The following PDE10A variants were observed in gnomAD, a reference collection of about 807,000 sequenced individuals.
PDE10A encodes the protein phosphodiesterase 10A.
Under a neutral mutation model 97.7 loss-of-function variants are expected in PDE10A, and 39 were observed. The observed-to-expected ratio is 0.40, with a 90% CI of 0.31 to 0.52. PDE10A has a LOEUF of 0.52. Ranked by LOEUF, PDE10A falls within the 20% of genes least tolerant of loss-of-function variation. The probability of loss-of-function intolerance (pLI) is 0.56; values close to 1 mark genes in which losing one functional copy is unlikely to be tolerated. For missense variants in PDE10A, 731 were observed against 1,047.8 expected, an observed-to-expected ratio of 0.70 and a Z score of 4.17; for synonymous variants, 371 against 376.8, an observed-to-expected ratio of 0.98 and a Z score of 0.18.
At chr6:165,450,847 G>A (rs1791238805) in intron 3 of PDE10A, among the ~76,000 whole-genome samples, 1 of 152,166 alleles carries the variant, frequency 6.6e-6, no homozygotes, top group African/African-American at 2.4e-5. Context: ...GAAGGCATGA[G>A]CCACTGCACC....
At position 165,740,316 on chromosome 6, in the gene PDE10A, A is replaced by AAG. The variant is rs60010542; in HGVS notation, c.-614-196750_-614-196749dup. On this transcript the variant is annotated intron_variant, in intron 1 of 19. Transcript: ENST00000366882. ...GAATACATATATATATATGGAGAGA[A>AAG]AGAGAGAGAGAGAGAGAGAGAGAGA... is the stretch of plus-strand genomic sequence containing the variant. Among the ~76,000 whole-genome samples the AAG allele has an allele frequency of 7.4e-3, 1,083 of 146,644 alleles. 11 individuals carry two copies. Among genetic ancestry groups the AAG allele is most frequent in the East Asian group, 0.035 (172 of 4,910 alleles).
intron 2 of PDE10A, 102 bp downstream of exon 2, chr6:165,543,338 T>C (rs141671453): frequency 4.7e-6 from 4 of 849,520 alleles, no homozygotes; most frequent in East Asian, 2.8e-5. Context: ...GTGTTAATAT[T>C]TGTCTACTTT....
intron 2 of PDE10A, among the ~76,000 whole-genome samples, chr6:165,523,008 C>A (rs1358232638): frequency 6.6e-6 from 1 of 151,472 alleles, no homozygotes; most frequent in East Asian, 1.9e-4. Flanking sequence ...ATCAAGAATG[C>A]AATCCCATTT....
chr6:165,968,981 T>C (rs1784594603), intron 1 of PDE10A, among the ~76,000 whole-genome samples: 1 of 152,188 alleles, frequency 6.6e-6, no homozygotes, highest in Admixed American at 6.5e-5. Flanking sequence ...GAAACCTCCC[T>C]GTCTCTACCC....
intron 1 of PDE10A, among the ~76,000 whole-genome samples, chr6:165,794,839 G>GT (rs1177880206): frequency 1.3e-5 from 2 of 152,188 alleles, no homozygotes; most frequent in Non-Finnish European, 2.9e-5. Context: ...ATAGTTGGGC[G>GT]TAAGTAAAAC....
At chr6:165,574,622 A>C (rs1449511363) in intron 1 of PDE10A, among the ~76,000 whole-genome samples, 1 of 152,218 alleles carries the variant, frequency 6.6e-6, no homozygotes, top group Non-Finnish European at 1.5e-5. Context: ...AATCTTGTCG[A>C]TGTAATCAAC....
At chr6:165,868,024 G>A (rs34008776) in intron 1 of PDE10A, among the ~76,000 whole-genome samples, 5,699 of 152,094 alleles carry the variant, frequency 0.037, 125 homozygotes, top group Middle Eastern at 0.054. Context: ...TACAGCAAAA[G>A]GAGTGCTAAG....
At chr6:165,480,836 T>A (rs774307790) in intron 3 of PDE10A, among the ~76,000 whole-genome samples, 11 of 152,144 alleles carry the variant, frequency 7.2e-5, no homozygotes, top group Non-Finnish European at 1.6e-4. Context: ...TGAGTATTAG[T>A]CAAATAAGTA....
intron 1 of PDE10A, among the ~76,000 whole-genome samples, chr6:165,954,710 G>C (rs1285241561): frequency 6.6e-6 from 1 of 152,044 alleles, no homozygotes; most frequent in East Asian, 1.9e-4. Context: ...AGCCCACCAG[G>C]GATCGCACCA....
At chr6:165,340,572 T>C (rs146113457) in intron 19 of PDE10A, among the ~76,000 whole-genome samples, 1 of 152,344 alleles carries the variant, frequency 6.6e-6, no homozygotes, top group Non-Finnish European at 1.5e-5. Context: ...TCTCAAAGAC[T>C]TGACAAGTCC....
chr6:165,919,281 G>T (rs190190851), intron 1 of PDE10A, among the ~76,000 whole-genome samples: 3 of 152,108 alleles, frequency 2.0e-5, no homozygotes, highest in African/African-American at 4.8e-5. Flanking sequence ...GGGGCAGGGC[G>T]CTCTGTGTGA....
intron 1 of PDE10A, among the ~76,000 whole-genome samples, chr6:165,817,527 A>G (rs1229338482): frequency 6.6e-6 from 1 of 152,128 alleles, no homozygotes; most frequent in African/African-American, 2.4e-5. Flanking sequence ...CAGACAGGCA[A>G]TGTGGTGTAC....
At chr6:165,827,959 T>C (rs1043349416) in intron 1 of PDE10A, among the ~76,000 whole-genome samples, 3 of 152,050 alleles carry the variant, frequency 2.0e-5, no homozygotes, top group African/African-American at 7.2e-5. Context: ...TCCAATTCCA[T>C]CCAGGAAGAA....
rs1401368606 is a variant in PDE10A, at chr6:165,636,953, C to T, written c.865+24994G>A. On this transcript the variant is annotated intron_variant, in intron 1 of 21. Transcript: ENST00000539869. Reference sequence around the variant, plus strand: ...CAAGACTGCCATGACCCACCTGAGACGATTCATGTGAAAATTGTCAGACTG... The same window carrying T: ...CAAGACTGCCATGACCCACCTGAGATGATTCATGTGAAAATTGTCAGACTG... Among the ~76,000 whole-genome samples, 7 of 152,108 alleles carry T rather than the reference C, an allele frequency of 4.6e-5. No homozygotes were observed. In the East Asian group the frequency reaches 9.6e-4, roughly 21 times the overall value.
At chr6:165,595,552 A>T (rs1337521839) in intron 1 of PDE10A, among the ~76,000 whole-genome samples, 1 of 152,364 alleles carries the variant, frequency 6.6e-6, no homozygotes, top group East Asian at 1.9e-4. Flanking sequence ...ATTTTAATCA[A>T]CTTACACCCA....
chr6:165,411,221 A>AGTACTTGT (rs1156487042), intron 13 of PDE10A, among the ~76,000 whole-genome samples: 1 of 151,764 alleles, frequency 6.6e-6, no homozygotes, highest in African/African-American at 2.4e-5. Flanking sequence ...TCTGCAGATG[A>AGTACTTGT]GATAACAACA....
At chr6:165,389,259 A>G (rs1785515119) in intron 16 of PDE10A, among the ~76,000 whole-genome samples, 2 of 152,312 alleles carry the variant, frequency 1.3e-5, no homozygotes, top group African/African-American at 4.8e-5. Flanking sequence ...TTGCTTATAT[A>G]TTTACAAGAT....
intron 1 of PDE10A, among the ~76,000 whole-genome samples, chr6:165,753,344 G>T (rs1007453028): frequency 6.6e-6 from 1 of 152,162 alleles, no homozygotes; most frequent in Non-Finnish European, 1.5e-5. Flanking sequence ...CCGTATGTAC[G>T]TGGGTGGGGT....
chr6:165,930,796 G>T (rs1401099968), intron 1 of PDE10A, among the ~76,000 whole-genome samples: 1 of 152,254 alleles, frequency 6.6e-6, no homozygotes, highest in East Asian at 1.9e-4. Context: ...GGCCGAGGCT[G>T]TGAGGGCTGG....
Sources: allele counts gnomAD v4.1 joint callset (sites outside exome capture counted in the v4.1 genomes callset), GRCh38; gene constraint gnomAD v4.1.1; transcripts MANE v1.5; gene names NCBI Gene and HGNC (gene_info 2026-07-23, HGNC 2026-07-21).